The following CDH4 variants were observed in gnomAD, a reference collection of about 807,000 sequenced individuals.
CDH4 encodes cadherin 4, also known as cadherin-4.
CDH4 carries 33 observed loss-of-function variants against 86.0 expected under a neutral mutation model. That is an observed-to-expected ratio of 0.38 (90% CI 0.29 to 0.51). CDH4 has a LOEUF of 0.51. Ranked by LOEUF, CDH4 falls within the 20% of genes least tolerant of loss-of-function variation. The pLI is 0.86. For missense variants in CDH4, 1,114 were observed against 1,307.4 expected (o/e 0.85, Z 2.28); for synonymous variants, 555 against 549.4 (o/e 1.01, Z -0.14).
chr20:61,357,870 A>C (rs1462180456), intron 2 of CDH4, among the ~76,000 whole-genome samples: 1 of 152,184 alleles, frequency 6.6e-6, no homozygotes, highest in Non-Finnish European at 1.5e-5. Flanking sequence ...GGGCAGGAAC[A>C]ACGATTCTTT....
Position 61,743,738 on chromosome 20 carries a change from C to T in CDH4, c.345C>T (p.Ala115=), listed in dbSNP as rs762875694. ...GCCAGACAGCAGAGAAATGGGACGC[C>T]GTGGTGCGGTTGCTGGTGGCCCAGA... is the stretch of plus-strand genomic sequence containing the variant. ...WDSQTAEKWD[A]VVRLLVAQTS... The change falls in exon 3 of 16, where the codon GCC becomes GCT. Residue 115 remains alanine (A), a synonymous_variant. Transcript: ENST00000614565. 1.9e-5 allele frequency: 31 copies of T among 1,610,666 alleles called. No homozygotes were observed. The highest frequency in any genetic ancestry group is 1.5e-4 in the African/African-American group (11 of 74,914).
At chr20:61,932,454 T>C (rs942156523) in intron 13 of CDH4, among the ~76,000 whole-genome samples, 2 of 152,042 alleles carry the variant, frequency 1.3e-5, no homozygotes, top group African/African-American at 4.8e-5. Context: ...ACATGTACTA[T>C]GGACATGAAC....
chr20:61,441,290 C>T (rs1023977470), intron 2 of CDH4, among the ~76,000 whole-genome samples: 1 of 152,166 alleles, frequency 6.6e-6, no homozygotes, highest in African/African-American at 2.4e-5. Flanking sequence ...GGAAAGGAAG[C>T]GGAAGGAGCA....
rs944272164 is a variant in CDH4, at chr20:61,645,645, A to C, written c.170-97918A>C. Among the ~76,000 whole-genome samples, 288 of 144,966 alleles carry C rather than the reference A, an allele frequency of 2.0e-3. 1 individual carries two copies. The highest frequency in any genetic ancestry group is 6.9e-3 in the African/African-American group (265 of 38,650). On this transcript the variant is annotated intron_variant, in intron 2 of 15. Transcript: ENST00000614565. ...ACCCTGTCTCAAAAAAAAAAAAAAAATTAACTGCTAACATTTCCTGGTGCT... is the reference window on the plus strand; with the variant it reads ...ACCCTGTCTCAAAAAAAAAAAAAAACTTAACTGCTAACATTTCCTGGTGCT...
At chr20:61,651,144 TGTGA>T (rs1325990119) in intron 2 of CDH4, among the ~76,000 whole-genome samples, 2 of 151,558 alleles carry the variant, frequency 1.3e-5, no homozygotes, top group African/African-American at 2.4e-5. Context: ...GGTGTGCTCG[TGTGA>T]GTGAGTTAGC....
intron 2 of CDH4, among the ~76,000 whole-genome samples, chr20:61,339,799 A>G (rs1386684260): frequency 6.6e-6 from 1 of 152,182 alleles, no homozygotes; most frequent in Admixed American, 6.5e-5. Context: ...TGGAAGTCTT[A>G]GAGGGATCCA....
chr20:61,654,636 C>T (rs974945004), intron 2 of CDH4, among the ~76,000 whole-genome samples: 6 of 152,204 alleles, frequency 3.9e-5, no homozygotes, highest in Admixed American at 2.6e-4. Flanking sequence ...TTCCGAGGTT[C>T]GTTTGGCATC....
At chr20:61,272,943 T>C (rs1209540784) in intron 2 of CDH4, among the ~76,000 whole-genome samples, 26 of 80,106 alleles carry the variant, frequency 3.2e-4, no homozygotes, top group African/African-American at 1.3e-3. Flanking sequence ...CCGTGTGCAG[T>C]TTGGGGGAGT....
intron 9 of CDH4, among the ~76,000 whole-genome samples, chr20:61,921,174 AGTGATTGCATGGAAGCGTGGTGTC>A (rs910536611): frequency 1.4e-4 from 17 of 122,156 alleles, no homozygotes; most frequent in Middle Eastern, 6.0e-3. Context: ...GTGGTGTCAC[AGTGATTGCATGGAAGCGTGGTGTC>A]GTGATTGCAT....
At chr20:61,875,188 G>A (rs1023253645) in intron 7 of CDH4, among the ~76,000 whole-genome samples, 10 of 152,244 alleles carry the variant, frequency 6.6e-5, no homozygotes, top group Admixed American at 5.9e-4. Context: ...CTTCATCCCC[G>A]CCTTTCAAAT....
chr20:61,736,793 G>T (rs552712964), intron 2 of CDH4, among the ~76,000 whole-genome samples: 1 of 152,142 alleles, frequency 6.6e-6, no homozygotes, highest in Non-Finnish European at 1.5e-5. Flanking sequence ...GCCATCATGA[G>T]GTCACCCGGG....
intron 2 of CDH4, among the ~76,000 whole-genome samples, chr20:61,407,335 T>G (rs1160814378): frequency 6.6e-5 from 10 of 152,220 alleles, no homozygotes; most frequent in Admixed American, 6.5e-4. Context: ...GTTCTGTCTC[T>G]TCCTTGAGCT....
At chr20:61,449,746 A>C (rs777737812) in intron 2 of CDH4, among the ~76,000 whole-genome samples, 1 of 152,242 alleles carries the variant, frequency 6.6e-6, no homozygotes, top group Non-Finnish European at 1.5e-5. Flanking sequence ...CAGAAGTGAA[A>C]TTATACCAAA....
chr20:61,448,287 C>T (rs978256839), intron 2 of CDH4, among the ~76,000 whole-genome samples: 4 of 152,180 alleles, frequency 2.6e-5, no homozygotes, highest in Admixed American at 1.3e-4. Flanking sequence ...TTTATAGTTT[C>T]CATAAGCGAT....
intron 2 of CDH4, among the ~76,000 whole-genome samples, chr20:61,646,312 G>A (rs2087060741): frequency 1.3e-5 from 2 of 152,262 alleles, no homozygotes; most frequent in South Asian, 2.1e-4. Flanking sequence ...GCCATCTTCC[G>A]TGAGTGTTTA....
intron 2 of CDH4, among the ~76,000 whole-genome samples, chr20:61,666,684 A>G (rs960097266): frequency 6.6e-6 from 1 of 152,146 alleles, no homozygotes; most frequent in Non-Finnish European, 1.5e-5. Context: ...CCCCCTGCAG[A>G]GCCCTGAGAA....
intron 2 of CDH4, among the ~76,000 whole-genome samples, chr20:61,514,030 G>C (rs1017681972): frequency 6.6e-6 from 1 of 152,236 alleles, no homozygotes; most frequent in Non-Finnish European, 1.5e-5. Context: ...TTACAAGCAA[G>C]AGTTTTTAAA....
chr20:61,567,259 A>G (rs924438693), intron 2 of CDH4, among the ~76,000 whole-genome samples: 2 of 152,194 alleles, frequency 1.3e-5, no homozygotes, highest in Admixed American at 6.5e-5. Context: ...GGGACGGCAG[A>G]AGTTACCTTA....
At chr20:61,845,297 C>T (rs1214359761) in intron 5 of CDH4, among the ~76,000 whole-genome samples, 6 of 152,278 alleles carry the variant, frequency 3.9e-5, no homozygotes, top group Admixed American at 3.9e-4. Context: ...TTTTCATTTC[C>T]TCCGACGTCT....
Sources: allele counts gnomAD v4.1 joint callset (sites outside exome capture counted in the v4.1 genomes callset), GRCh38; gene constraint gnomAD v4.1.1; transcripts MANE v1.5; gene names NCBI Gene and HGNC (gene_info 2026-07-23, HGNC 2026-07-21).